The following KAZN variants were observed in gnomAD, a reference collection of about 807,000 sequenced individuals.
KAZN encodes the protein kazrin, periplakin interacting protein, also known as kazrin.
A neutral mutation model predicts 87.4 loss-of-function variants in KAZN; 40 were observed. That is an observed-to-expected ratio of 0.46 (90% CI 0.36 to 0.60). The LOEUF (loss-of-function observed/expected upper bound fraction) is 0.60, where lower values mean the gene tolerates loss of function less well. Among genes scored for constraint, KAZN ranks in the 20% least tolerant of loss-of-function variants. The probability of loss-of-function intolerance (pLI) is 0.00; values close to 1 mark genes in which losing one functional copy is unlikely to be tolerated. For synonymous variants in KAZN, 466 were observed against 458.3 expected, an observed-to-expected ratio of 1.02 and a Z score of -0.22; for missense variants, 898 against 1,073.9, an observed-to-expected ratio of 0.84 and a Z score of 2.29.
At chr1:14,983,326 C>A (rs1367162773) in intron 2 of KAZN, among the ~76,000 whole-genome samples, 1 of 152,176 alleles carries the variant, frequency 6.6e-6, no homozygotes, top group African/African-American at 2.4e-5. Flanking sequence ...AGCCTTGGTC[C>A]TAGGATTGGA....
At chr1:14,280,692 C>G (rs2100714194) in intron 2 of KAZN, among the ~76,000 whole-genome samples, 1 of 152,298 alleles carries the variant, frequency 6.6e-6, no homozygotes, top group South Asian at 2.1e-4. Flanking sequence ...CTTGTTTCAG[C>G]CACCCAGCCT....
At chr1:14,217,274 C>A (rs918941713) in intron 2 of KAZN, among the ~76,000 whole-genome samples, 2 of 151,912 alleles carry the variant, frequency 1.3e-5, no homozygotes, top group Admixed American at 6.6e-5. Context: ...AACAGCAACA[C>A]AAAATGTACT....
At chr1:14,638,270 C>CA (rs1326480211) in intron 1 of KAZN, among the ~76,000 whole-genome samples, 1 of 152,028 alleles carries the variant, frequency 6.6e-6, no homozygotes, top group Admixed American at 6.6e-5. Flanking sequence ...TGCACGTGCG[C>CA]AAAAAATAAC....
chr1:14,000,444 A>G (rs1187250742), intron 1 of KAZN, among the ~76,000 whole-genome samples: 2 of 152,224 alleles, frequency 1.3e-5, no homozygotes, highest in Non-Finnish European at 2.9e-5. Flanking sequence ...GAAGACAAAA[A>G]CTACATGATT....
intron 2 of KAZN, among the ~76,000 whole-genome samples, chr1:14,399,428 G>A (rs1395701780): frequency 6.6e-6 from 1 of 152,148 alleles, no homozygotes; most frequent in Non-Finnish European, 1.5e-5. Flanking sequence ...AACAAAAAGT[G>A]AGTTTAATGA....
rs12096994 is a variant in KAZN at position 14,573,033 on chromosome 1, C to T, written c.250-25950C>T. Among the ~76,000 whole-genome samples the T allele has an allele frequency of 2.2e-4, 33 of 152,166 alleles. No homozygotes were observed. In the East Asian group the frequency reaches 6.4e-3, roughly 29 times the overall value. ...ATGTAACAGACCAGAAAAATGTAAC[C>T]GATCACTCATGCTCCTCAGCTCTGA... On this transcript the variant is annotated intron_variant, in intron 2 of 16. Coordinates refer to the KAZN transcript ENST00000636203.
intron 1 of KAZN, among the ~76,000 whole-genome samples, chr1:13,965,695 C>A (rs965165292): frequency 6.6e-6 from 1 of 152,152 alleles, no homozygotes; most frequent in African/African-American, 2.4e-5. Flanking sequence ...GAATTCACTC[C>A]GCAGCGACTT....
At chr1:15,011,798 C>A (rs186921116) in intron 2 of KAZN, among the ~76,000 whole-genome samples, 3 of 152,322 alleles carry the variant, frequency 2.0e-5, no homozygotes, top group Non-Finnish European at 2.9e-5. Context: ...CCTCATGTAG[C>A]CAACACTGCG....
chr1:14,488,949 G>C (rs1207277885), intron 2 of KAZN, among the ~76,000 whole-genome samples: 3 of 152,168 alleles, frequency 2.0e-5, no homozygotes, highest in Non-Finnish European at 4.4e-5. Flanking sequence ...ACTGCCCTCA[G>C]CACTGTGCCT....
At chr1:14,495,493 A>T (rs779721433) in intron 2 of KAZN, among the ~76,000 whole-genome samples, 2 of 152,194 alleles carry the variant, frequency 1.3e-5, no homozygotes. Flanking sequence ...GAAGAAATTC[A>T]TGCTCCTTTC....
chr1:14,308,764 G>T (rs554220707), intron 2 of KAZN, among the ~76,000 whole-genome samples: 1 of 114,248 alleles, frequency 8.8e-6, no homozygotes, highest in Non-Finnish European at 2.1e-5. Context: ...CTAGAACCTC[G>T]TGCCTCATAA....
chr1:14,592,229 G>A (rs1211275494), intron 2 of KAZN, among the ~76,000 whole-genome samples: 1 of 152,216 alleles, frequency 6.6e-6, no homozygotes, highest in Admixed American at 6.5e-5. Context: ...TCTGTGGAGA[G>A]GGAGGGTAAC....
At chr1:13,899,902 C>A (rs1639183809) in intron 1 of KAZN, among the ~76,000 whole-genome samples, 1 of 152,128 alleles carries the variant, frequency 6.6e-6, no homozygotes, top group South Asian at 2.1e-4. Flanking sequence ...CCTCGGCCTC[C>A]CAAAGTGTGC....
intron 2 of KAZN, among the ~76,000 whole-genome samples, chr1:15,007,083 AC>A (rs375718816): frequency 3.4e-5 from 5 of 145,912 alleles, no homozygotes; most frequent in East Asian, 2.1e-4. Context: ...AAAAAGAAAA[AC>A]AGAAAATTCC....
intron 1 of KAZN, among the ~76,000 whole-genome samples, chr1:14,845,990 C>T (rs1648708267): frequency 6.6e-6 from 1 of 152,086 alleles, no homozygotes; most frequent in African/African-American, 2.4e-5. Flanking sequence ...CCCGTGTCTC[C>T]CAGGAGTGGG....
At chr1:14,760,613 T>C (rs1276613647) in intron 1 of KAZN, among the ~76,000 whole-genome samples, 1 of 152,108 alleles carries the variant, frequency 6.6e-6, no homozygotes, top group Non-Finnish European at 1.5e-5. Flanking sequence ...TTAAAACATA[T>C]CAATCCAATA....
At chr1:14,766,315 C>T (rs1282796818) in intron 1 of KAZN, among the ~76,000 whole-genome samples, 1 of 151,904 alleles carries the variant, frequency 6.6e-6, no homozygotes, top group East Asian at 2.0e-4. Flanking sequence ...AAGTTGCCCC[C>T]AGTTGCACCA....
chr1:15,039,916 A>G (rs1428447826), intron 3 of KAZN, among the ~76,000 whole-genome samples: 1 of 152,222 alleles, frequency 6.6e-6, no homozygotes, highest in Non-Finnish European at 1.5e-5. Context: ...TGGCTTCATA[A>G]TGCCCTTCAG....
At chr1:13,900,107 G>A (rs140261386) in intron 1 of KAZN, among the ~76,000 whole-genome samples, 12 of 152,074 alleles carry the variant, frequency 7.9e-5, no homozygotes, top group African/African-American at 1.2e-4. Context: ...GCAAAATTGC[G>A]GTTATGTTCA....
Sources: allele counts gnomAD v4.1 joint callset (sites outside exome capture counted in the v4.1 genomes callset), GRCh38; gene constraint gnomAD v4.1.1; transcripts MANE v1.5; gene names NCBI Gene and HGNC (gene_info 2026-07-23, HGNC 2026-07-21).